Variants in PPP1R2 observed in about 807,000 individuals in gnomAD.
PPP1R2 encodes the protein protein phosphatase inhibitor 2.
A neutral mutation model predicts 29.9 loss-of-function variants in PPP1R2; 16 were observed. The ratio of observed to expected loss-of-function variants is 0.53; its 90% CI spans 0.36 to 0.81. The LOEUF (loss-of-function observed/expected upper bound fraction) is 0.81. Among genes scored for constraint, PPP1R2 ranks in the 30% least tolerant of loss-of-function variants. PPP1R2 has a pLI of 0.00. For missense variants in PPP1R2, 197 were observed against 252.7 expected, an observed-to-expected ratio of 0.78 and a Z score of 1.49; for synonymous variants, 76 against 91.5, an observed-to-expected ratio of 0.83 and a Z score of 0.96.
At position 195,530,781 on chromosome 3, in the gene PPP1R2, C is replaced by T. The variant is rs1036727267; in HGVS notation, c.123-880G>A. 1.8e-4 allele frequency among the ~76,000 whole-genome samples: 27 copies of T among 151,528 alleles called. 1 individual carries two copies. The highest frequency in any genetic ancestry group is 6.3e-4 in the African/African-American group (26 of 41,174). ...TCTCGTGATCTGCCTGCCTTGGCCT[C>T]CCAAAGTGCTGGGATTACAGGTGTG... On this transcript the variant is annotated intron_variant, in intron 1 of 5. Coordinates refer to ENST00000618156, the MANE Select transcript of PPP1R2 (RefSeq NM_006241.8).
In PPP1R2 at chr3:195,529,895, T is replaced by C. The variant is rs768919382; in HGVS notation, c.129A>G (p.Lys43=). The C allele has an allele frequency of 6.2e-7, 1 of 1,604,140 alleles. No individual in the cohort carries two copies. The highest frequency in any genetic ancestry group is 2.2e-5 in the East Asian group (1 of 44,722). Residue 43 remains lysine, a synonymous_variant, in exon 2 of 6, where the codon AAA becomes AAG. Transcript: ENST00000618156. The part of the protein sequence containing the change: ...RGNVDEELSK[K]SQKWDEMNIL... ...TGTTCATTTCATCCCACTTCTGGGA[T>C]TTTTTGCTAAAATTAAAAAGAAAAA... is the stretch of plus-strand genomic sequence containing the variant.
rs1719655523 is a variant in PPP1R2 at position 195,542,957 on chromosome 3, G to C, written c.69C>G (p.Ser23=). 1.9e-6 allele frequency: 3 copies of C among 1,603,494 alleles called. No homozygotes were observed. Among genetic ancestry groups the C allele is most frequent in the Admixed American group, 1.7e-5 (1 of 58,794 alleles). The change falls in exon 1 of 6, where the codon TCC becomes TCG. Residue 23 remains serine (S), a synonymous_variant. Transcript: ENST00000618156. The part of the protein sequence containing the change: ...GILKNKTSTT[S]SMVASAEQPR... ...GCTGTTCGGCCGACGCCACCATAGAGGAAGTCGTAGAGGTCTTGTTCTTCA... is the reference window on the plus strand; with the variant it reads ...GCTGTTCGGCCGACGCCACCATAGACGAAGTCGTAGAGGTCTTGTTCTTCA...
In PPP1R2 at chr3:195,525,020, C is replaced by A. The variant is rs1023539002; in HGVS notation, c.231-124G>T. On this transcript the variant is annotated intron_variant, in intron 2 of 5. Coordinates refer to ENST00000618156, the MANE Select transcript of PPP1R2 (RefSeq NM_006241.8). The stretch of plus-strand genomic sequence containing the variant: ...AATATATTTATAGCTCTGTTGATAT[C>A]TTTGAGGTTTAACTTTATATAGTTC... 5.2e-6 allele frequency: 4 copies of A among 765,140 alleles called. No homozygotes were observed. In the African/African-American group the frequency reaches 5.2e-5, roughly 10 times the overall value. 47.4% of individuals were successfully genotyped at this position (765,140 alleles called of 1,614,324 possible).
chr3:195,528,867 CT>C (rs755404825), intron 2 of PPP1R2: 398 of 134,228 alleles, frequency 3.0e-3, no homozygotes, highest in East Asian at 4.6e-3. Flanking sequence ...AAGGTATTAT[CT>C]TTTTTTTTTT....
intron 5 of PPP1R2, among the ~76,000 whole-genome samples, chr3:195,517,246 A>AT (rs954498012): frequency 6.6e-6 from 1 of 152,142 alleles, no homozygotes; most frequent in Non-Finnish European, 1.5e-5. Context: ...AAAAAGATAC[A>AT]TATTTATTAC....
chr3:195,524,045 G>A (rs868135473), intron 3 of PPP1R2, among the ~76,000 whole-genome samples: 9 of 151,004 alleles, frequency 6.0e-5, no homozygotes, highest in East Asian at 3.9e-4. Flanking sequence ...CTTTGATTGC[G>A]CCTCTGCACT....
At chr3:195,523,236 A>T (rs1560434353) in intron 4 of PPP1R2, 1 of 168,374 alleles carries the variant, frequency 5.9e-6, no homozygotes, top group East Asian at 1.6e-4. Context: ...GCTCCTTTTG[A>T]TTGATGGGAC....
chr3:195,538,824 C>T (rs1719487152), intron 1 of PPP1R2, among the ~76,000 whole-genome samples: 1 of 152,120 alleles, frequency 6.6e-6, no homozygotes, highest in Non-Finnish European at 1.5e-5. Context: ...GGGTTAAGCA[C>T]TTTACATTTA....
chr3:195,518,048 C>T (rs568276685), intron 5 of PPP1R2, among the ~76,000 whole-genome samples: 2 of 152,216 alleles, frequency 1.3e-5, no homozygotes, highest in South Asian at 2.1e-4. Context: ...TCAGTTACGC[C>T]TCCACTGAAA....
At chr3:195,537,167 T>C (rs573286070) in intron 1 of PPP1R2, among the ~76,000 whole-genome samples, 5 of 150,372 alleles carry the variant, frequency 3.3e-5, no homozygotes, top group Non-Finnish European at 5.9e-5. Flanking sequence ...ACAATACATA[T>C]GCTGATATAT....
At chr3:195,536,449 T>C (rs1417371158) in intron 1 of PPP1R2, among the ~76,000 whole-genome samples, 1 of 152,176 alleles carries the variant, frequency 6.6e-6, no homozygotes, top group African/African-American at 2.4e-5. Context: ...ATTTTAAAAA[T>C]AAACACATAT....
chr3:195,526,973 G>A (rs1017395934), intron 2 of PPP1R2, among the ~76,000 whole-genome samples: 13 of 151,994 alleles, frequency 8.6e-5, no homozygotes, highest in Non-Finnish European at 1.6e-4. Context: ...AGTAGAGACG[G>A]GGTTTCACCA....
rs563471985 is a variant in PPP1R2, at chr3:195,520,814, T to C, written c.404-1629A>G. ...AACTACAGATGCGTGCCACCACACC[T>C]GGCCTCCAAAGTACTTTCTCTTTGT... On this transcript the variant is annotated intron_variant, in intron 4 of 5. Transcript: ENST00000618156. Among the ~76,000 whole-genome samples the C allele has an allele frequency of 3.3e-5, 5 of 151,994 alleles. No homozygotes were observed. The East Asian group carries it at 9.8e-4, about 30-fold the overall frequency.
At chr3:195,542,581 G>A (rs1039544840) in intron 1 of PPP1R2, among the ~76,000 whole-genome samples, 5 of 152,170 alleles carry the variant, frequency 3.3e-5, no homozygotes, top group Non-Finnish European at 7.3e-5. Context: ...CCTCAGAGAT[G>A]AGGTTAAGAA....
chr3:195,525,637 C>T (rs533466699), intron 2 of PPP1R2, among the ~76,000 whole-genome samples: 5 of 152,222 alleles, frequency 3.3e-5, no homozygotes, highest in African/African-American at 9.6e-5. Flanking sequence ...TAACAAAATT[C>T]GATCCCAAAG....
intron 3 of PPP1R2, 145 bp downstream of exon 3, chr3:195,524,674 A>G (rs1718895211): frequency 1.4e-6 from 1 of 707,026 alleles, no homozygotes; most frequent in Admixed American, 3.0e-5. Context: ...AAAAGGGGGA[A>G]AAAAGGAAAA....
chr3:195,539,833 T>G (rs776955385), intron 1 of PPP1R2, among the ~76,000 whole-genome samples: 139 of 152,220 alleles, frequency 9.1e-4, no homozygotes, highest in Non-Finnish European at 1.6e-3. Context: ...CTAGACTATC[T>G]GAATATGGCT....
chr3:195,537,481 TTGTGTG>T (rs71180930), intron 1 of PPP1R2, among the ~76,000 whole-genome samples: 39 of 128,574 alleles, frequency 3.0e-4, no homozygotes, highest in Admixed American at 1.6e-3. Context: ...GGATTAGCTA[TTGTGTG>T]TGTGTGTGTG....
In PPP1R2 at chr3:195,520,926, C is replaced by T. The variant is rs181649067; in HGVS notation, c.404-1741G>A. 8.4e-3 allele frequency among the ~76,000 whole-genome samples: 1,284 copies of T among 152,012 alleles called. 10 individuals are homozygous for T. Among genetic ancestry groups the T allele is most frequent in the Middle Eastern group, 0.014 (4 of 294 alleles). On this transcript the variant is annotated intron_variant, in intron 4 of 5. Transcript: ENST00000618156. Reference sequence around the variant, plus strand: ...TCAAGTGATCCACCTGCCTCAGCCTCCCAAAGCACTGGGATTACAGGTGTA... The same window carrying T: ...TCAAGTGATCCACCTGCCTCAGCCTTCCAAAGCACTGGGATTACAGGTGTA...
Sources: allele counts gnomAD v4.1 joint callset (sites outside exome capture counted in the v4.1 genomes callset), GRCh38; gene constraint gnomAD v4.1.1; transcripts MANE v1.5; gene names NCBI Gene and HGNC (gene_info 2026-07-23, HGNC 2026-07-21).